MED12L: variants seen among roughly 807,000 people sequenced by gnomAD.
MED12L encodes the protein mediator of RNA polymerase II transcription subunit 12-like protein.
A neutral mutation model predicts 281.3 loss-of-function variants in MED12L; 60 were observed. The observed-to-expected ratio is 0.21, with a 90% CI of 0.17 to 0.26. The LOEUF is 0.26. Among genes scored for constraint, MED12L ranks in the 10% least tolerant of loss-of-function variants. The pLI is 1.00. For missense variants in MED12L, 2,146 were observed against 2,680.9 expected (o/e 0.80, Z 4.41); for synonymous variants, 974 against 987.2 (o/e 0.99, Z 0.25).
In MED12L at chr3:151,193,614, A is replaced by G. The variant is rs1337481506; in HGVS notation, c.2198A>G (p.Asn733Ser). ...CCAAGGGAATTAATTTTTCCATCTA[A>G]TTATGACCTCCTTCGCCACTTACAG... The part of the protein sequence containing the change: ...EKPRELIFPS[N>S]YDLLRHLQYA... The change falls in exon 16 of 45, where the codon AAT (asparagine) becomes AGT (serine). Residue 733 changes from asparagine (N) to serine (S), a missense_variant. Asn to Ser is a conservative substitution (Grantham distance 46). Coordinates refer to ENST00000687756, the MANE Select transcript of MED12L (RefSeq NM_001393769.1). The G allele has an allele frequency of 6.2e-7, 1 of 1,614,134 alleles. No homozygotes were observed. Among genetic ancestry groups the G allele is most frequent in the Non-Finnish European group, 8.5e-7 (1 of 1,179,992 alleles).
At chr3:151,095,798 C>CT (rs1435918397) in intron 2 of MED12L, among the ~76,000 whole-genome samples, 2 of 152,154 alleles carry the variant, frequency 1.3e-5, no homozygotes, top group Non-Finnish European at 2.9e-5. Flanking sequence ...CCCAGCTACT[C>CT]TGGGGACTGA....
At chr3:151,215,416 T>C (rs1019206207) in intron 16 of MED12L, among the ~76,000 whole-genome samples, 33 of 152,040 alleles carry the variant, frequency 2.2e-4, no homozygotes, top group African/African-American at 8.0e-4. Context: ...GAAGTAATAT[T>C]CTACAAATGC....
intron 3 of MED12L, among the ~76,000 whole-genome samples, chr3:151,118,648 C>CTT (rs67417533): frequency 0.051 from 7,024 of 137,390 alleles, 250 homozygotes; most frequent in Middle Eastern, 0.09. Flanking sequence ...ATCTCCAGAA[C>CTT]TTTTTTTTTT....
At chr3:151,420,561 T>C (rs1417612913) in intron 43 of MED12L, among the ~76,000 whole-genome samples, 1 of 152,172 alleles carries the variant, frequency 6.6e-6, no homozygotes, top group African/African-American at 2.4e-5. Flanking sequence ...AACAGTACTA[T>C]ATATTGGATA....
In MED12L at chr3:151,378,026, G is replaced by C; in HGVS notation, c.4331G>C (p.Arg1444Thr). Reference sequence around the variant, plus strand: ...TCTGATTTTAGTTCCTCCGAACGCAGGGGTGTATGGTTGGTGGCCCCCCTC... The same window carrying C: ...TCTGATTTTAGTTCCTCCGAACGCACGGGTGTATGGTTGGTGGCCCCCCTC... ...IKTFLSSSER[R>T]GVWLVAPLIA... is the part of the protein sequence containing the mutation. The change falls in exon 31 of 45, where the codon AGG becomes ACG. Residue 1444 changes from arginine (R) to threonine (T), a missense_variant. Coordinates refer to ENST00000687756, the MANE Select transcript of MED12L (RefSeq NM_001393769.1). 1.9e-6 allele frequency: 3 copies of C among 1,606,174 alleles called. No individual in the cohort carries two copies. The highest frequency in any genetic ancestry group is 2.6e-6 in the Non-Finnish European group (3 of 1,175,404).
chr3:151,147,206 C>T (rs1717864869), intron 5 of MED12L, among the ~76,000 whole-genome samples: 1 of 152,176 alleles, frequency 6.6e-6, no homozygotes, highest in Admixed American at 6.5e-5. Flanking sequence ...CTCTGTCTCC[C>T]CCCACCTGTG....
chr3:151,174,802 T>G (rs573419156), intron 11 of MED12L, among the ~76,000 whole-genome samples: 1 of 152,142 alleles, frequency 6.6e-6, no homozygotes, highest in Non-Finnish European at 1.5e-5. Flanking sequence ...ATTGCAGCCT[T>G]GAACTCCTGG....
intron 16 of MED12L, among the ~76,000 whole-genome samples, chr3:151,234,416 C>T (rs766857783): frequency 7.2e-5 from 11 of 152,234 alleles, no homozygotes; most frequent in Non-Finnish European, 1.6e-4. Context: ...GAATCGAGGT[C>T]ATTGCCAGTT....
At chr3:151,416,158 G>A (rs953356965) in intron 42 of MED12L, among the ~76,000 whole-genome samples, 154 bp from the exon 43 acceptor site, 6 of 152,186 alleles carry the variant, frequency 3.9e-5, no homozygotes, top group Admixed American at 6.5e-5. Context: ...TCAAAAGGAC[G>A]AATGAGGTTC....
Position 151,365,991 on chromosome 3 carries a change from T to G in MED12L, c.3327T>G (p.Asp1109Glu). The G allele has an allele frequency of 6.5e-7, 1 of 1,548,422 alleles. No homozygotes were observed. The highest frequency in any genetic ancestry group is 8.7e-7 in the Non-Finnish European group (1 of 1,149,904). Residue 1109 changes from aspartate (D) to glutamate (E), a missense_variant and splice_region_variant, in exon 23 of 45, where the codon GAT becomes GAG. Asp to Glu is a conservative substitution (Grantham distance 45). This residue lies in a region of MED12L where 404 missense variants were observed against 603.5 expected (regional missense o/e 0.67). Transcript: ENST00000687756. ...WGFNDVLCTV[D>E]VSDLSFHDSL... ...TTAATGATGTACTTTGCACTGTAGATGTAAGTTTTCTTTTTCATTTAAAAA... is the reference window on the plus strand; with the variant it reads ...TTAATGATGTACTTTGCACTGTAGAGGTAAGTTTTCTTTTTCATTTAAAAA...
chr3:151,240,439 G>A (rs909542517), intron 16 of MED12L, among the ~76,000 whole-genome samples: 1 of 152,174 alleles, frequency 6.6e-6, no homozygotes, highest in African/African-American at 2.4e-5. Context: ...TAGCTGCTGC[G>A]TGCCAGGTAC....
intron 16 of MED12L, among the ~76,000 whole-genome samples, chr3:151,215,334 C>A (rs1727990926): frequency 6.6e-6 from 1 of 152,090 alleles, no homozygotes; most frequent in Admixed American, 6.6e-5. Context: ...GTATAAAATG[C>A]ACACTAGACT....
intron 16 of MED12L, among the ~76,000 whole-genome samples, chr3:151,223,530 T>A (rs568729934): frequency 6.6e-6 from 1 of 152,314 alleles, no homozygotes; most frequent in East Asian, 1.9e-4. Context: ...AATCATGTCC[T>A]TTGCAGCAAC....
chr3:151,340,219 A>G (rs1200692588), intron 16 of MED12L, among the ~76,000 whole-genome samples: 1 of 152,130 alleles, frequency 6.6e-6, no homozygotes, highest in Non-Finnish European at 1.5e-5. Flanking sequence ...TTCATCCCTG[A>G]CCGTTTTGGA....
intron 16 of MED12L, among the ~76,000 whole-genome samples, chr3:151,222,745 G>A (rs1432139190): frequency 6.6e-6 from 1 of 152,182 alleles, no homozygotes; most frequent in Non-Finnish European, 1.5e-5. Flanking sequence ...GCTGGTCCAT[G>A]TACCACTCTT....
intron 16 of MED12L, among the ~76,000 whole-genome samples, chr3:151,258,491 C>T (rs1738247666): frequency 6.6e-6 from 1 of 152,116 alleles, no homozygotes; most frequent in South Asian, 2.1e-4. Context: ...TCCCTTGCAA[C>T]AGAACAATGA....
At chr3:151,382,816 T>C (rs1295451022) in intron 33 of MED12L, 71 bp downstream of exon 33, 1 of 1,230,836 alleles carries the variant, frequency 8.1e-7, no homozygotes, top group Non-Finnish European at 1.2e-6. Flanking sequence ...AGCTTTCCAC[T>C]TCTCCTAAGT....
At chr3:151,299,356 CTTTCTTTTCTTTTCTTTTCT>C (rs71138493) in intron 16 of MED12L, among the ~76,000 whole-genome samples, 2 of 94,352 alleles carry the variant, frequency 2.1e-5, no homozygotes, top group African/African-American at 8.1e-5. Context: ...TTCCTTCCTT[CTTTCTTTTCTTTTCTTTTCT>C]TTTCTTTTCT....
At chr3:151,188,261 G>C (rs1723529243) in intron 12 of MED12L, 93 bp from the exon 13 acceptor site, 1 of 914,202 alleles carries the variant, frequency 1.1e-6, no homozygotes. Context: ...TGTTTTACCT[G>C]AGCACTTAAA....
Sources: allele counts gnomAD v4.1 joint callset (sites outside exome capture counted in the v4.1 genomes callset), GRCh38; gene constraint gnomAD v4.1.1; regional missense constraint gnomAD v4.1.1; transcripts MANE v1.5; gene names NCBI Gene and HGNC (gene_info 2026-07-23, HGNC 2026-07-21).